The following TRIM71 variants were observed in gnomAD, a reference collection of about 807,000 sequenced individuals.
TRIM71 encodes E3 ubiquitin-protein ligase TRIM71.
A neutral mutation model predicts 61.2 loss-of-function variants in TRIM71; 9 were observed. The ratio of observed to expected loss-of-function variants is 0.15; its 90% CI spans 0.09 to 0.26. TRIM71 has a LOEUF of 0.26. TRIM71 is among the 10% of genes least tolerant of loss of function. TRIM71 has a pLI of 1.00. For synonymous variants in TRIM71, 645 were observed against 553.2 expected, an observed-to-expected ratio of 1.17 and a Z score of -2.33; for missense variants, 998 against 1,238.7, an observed-to-expected ratio of 0.81 and a Z score of 2.92.
At chr3:32,878,748 A>AG (rs560266662) in intron 2 of TRIM71, among the ~76,000 whole-genome samples, 110 of 152,358 alleles carry the variant, frequency 7.2e-4, no homozygotes, top group South Asian at 4.1e-3. Flanking sequence ...ATAATGCTTA[A>AG]GGGGCCTAGG....
Position 32,848,621 on chromosome 3 carries a change from T to G in TRIM71, c.853-25197T>G, listed in dbSNP as rs556922967. Among the ~76,000 whole-genome samples the G allele has an allele frequency of 2.6e-5, 4 of 152,284 alleles. No individual in the cohort carries two copies. The East Asian group carries it at 5.8e-4, about 22-fold the overall frequency. ...ACGAGGCTCAAAAATACCCCTAGTTTTGTCTATGATTAGGGTCCTGAGGTT... is the reference window on the plus strand; with the variant it reads ...ACGAGGCTCAAAAATACCCCTAGTTGTGTCTATGATTAGGGTCCTGAGGTT... On this transcript the variant is annotated intron_variant, in intron 1 of 3. Coordinates refer to ENST00000383763, the MANE Select transcript of TRIM71 (RefSeq NM_001039111.3).
At chr3:32,876,659 A>G (rs1696855372) in intron 2 of TRIM71, among the ~76,000 whole-genome samples, 1 of 152,210 alleles carries the variant, frequency 6.6e-6, no homozygotes, top group Non-Finnish European at 1.5e-5. Context: ...TGATTTTATT[A>G]ACCTCTTACT....
chr3:32,820,825 T>A (rs1559535491), intron 1 of TRIM71, among the ~76,000 whole-genome samples: 1 of 152,230 alleles, frequency 6.6e-6, no homozygotes, highest in Non-Finnish European at 1.5e-5. Flanking sequence ...CGGAAGCTCT[T>A]CAAATTCACT....
chr3:32,836,109 T>TC (rs2125677539), intron 1 of TRIM71, among the ~76,000 whole-genome samples: 1 of 152,062 alleles, frequency 6.6e-6, no homozygotes, highest in East Asian at 1.9e-4. Context: ...GATCTTCCCC[T>TC]CCCCCGACAG....
chr3:32,863,933 C>T (rs866271415), intron 1 of TRIM71, among the ~76,000 whole-genome samples: 6 of 152,146 alleles, frequency 3.9e-5, no homozygotes, highest in African/African-American at 7.2e-5. Context: ...CCACCCGCCT[C>T]GGCCTCTCAA....
At chr3:32,834,823 A>C (rs907687092) in intron 1 of TRIM71, among the ~76,000 whole-genome samples, 2 of 152,174 alleles carry the variant, frequency 1.3e-5, no homozygotes, top group Non-Finnish European at 2.9e-5. Context: ...GCCTGGTGAC[A>C]GAGCGAGACT....
At chr3:32,886,440 CCT>C (rs1447310318) in intron 3 of TRIM71, among the ~76,000 whole-genome samples, 1 of 152,138 alleles carries the variant, frequency 6.6e-6, no homozygotes, top group African/African-American at 2.4e-5. Context: ...CACTTCCTGA[CCT>C]CTTGTGGAAA....
intron 1 of TRIM71, among the ~76,000 whole-genome samples, chr3:32,827,265 ATTC>A (rs1341579506): frequency 4.3e-5 from 5 of 117,480 alleles, no homozygotes; most frequent in African/African-American, 1.2e-4. Context: ...TAGGGGGATA[ATTC>A]TTTTTTTTTT....
chr3:32,843,734 A>G (rs912368661), intron 1 of TRIM71, among the ~76,000 whole-genome samples: 24 of 152,198 alleles, frequency 1.6e-4, no homozygotes, highest in African/African-American at 5.8e-4. Context: ...GACAAGTAAC[A>G]TTCTGGAGGA....
intron 1 of TRIM71, among the ~76,000 whole-genome samples, chr3:32,857,258 T>G (rs1420588757): frequency 2.0e-5 from 3 of 152,250 alleles, no homozygotes; most frequent in Admixed American, 1.3e-4. Flanking sequence ...ACTGGCAGAT[T>G]TGTAAATCTT....
At chr3:32,859,924 G>A (rs1214791623) in intron 1 of TRIM71, among the ~76,000 whole-genome samples, 3 of 152,084 alleles carry the variant, frequency 2.0e-5, no homozygotes, top group Non-Finnish European at 4.4e-5. Context: ...TGTGATTCCT[G>A]CATGGGCTGG....
At chr3:32,847,110 C>G (rs1007411537) in intron 1 of TRIM71, among the ~76,000 whole-genome samples, 2 of 151,970 alleles carry the variant, frequency 1.3e-5, no homozygotes, top group African/African-American at 2.4e-5. Context: ...CTGCAACCTC[C>G]GCCTCCCAGG....
At position 32,867,171 on chromosome 3, in the gene TRIM71, A is replaced by AC. The variant is rs150920220; in HGVS notation, c.853-6641dup. On this transcript the variant is annotated intron_variant, in intron 1 of 3. Transcript: ENST00000383763. ...GTTCTTGGACACTCCCACTTTTACC[A>AC]CCCCCCTCCCCCTCCTCTTTTTTAG... Among the ~76,000 whole-genome samples, 1,290 of 148,414 alleles carry AC rather than the reference A, an allele frequency of 8.7e-3. 29 individuals are homozygous for AC. The highest frequency in any genetic ancestry group is 0.084 in the East Asian group (420 of 5,018).
intron 1 of TRIM71, among the ~76,000 whole-genome samples, chr3:32,872,099 A>G (rs925282336): frequency 1.3e-5 from 2 of 152,198 alleles, no homozygotes; most frequent in Non-Finnish European, 2.9e-5. Flanking sequence ...GTGAGCCGAG[A>G]TCGCGTCGCC....
intron 1 of TRIM71, among the ~76,000 whole-genome samples, chr3:32,850,502 G>A (rs2125681819): frequency 6.6e-6 from 1 of 152,276 alleles, no homozygotes; most frequent in Middle Eastern, 3.4e-3. Context: ...TTAATGATCA[G>A]CATGGCTCCC....
chr3:32,829,430 G>T (rs1366554455), intron 1 of TRIM71, among the ~76,000 whole-genome samples: 1 of 152,046 alleles, frequency 6.6e-6, no homozygotes. Flanking sequence ...TGATCTGCCT[G>T]TCTCCCAAAG....
At chr3:32,879,523 C>T (rs1405798717) in intron 2 of TRIM71, among the ~76,000 whole-genome samples, 1 of 152,060 alleles carries the variant, frequency 6.6e-6, no homozygotes, top group Non-Finnish European at 1.5e-5. Context: ...GATCACTTGT[C>T]ACAGATCAGC....
At chr3:32,856,132 C>T (rs1696601530) in intron 1 of TRIM71, among the ~76,000 whole-genome samples, 1 of 152,228 alleles carries the variant, frequency 6.6e-6, no homozygotes. Flanking sequence ...GTTCTCCTGC[C>T]TCAGCCTCCG....
At chr3:32,834,051 C>G (rs1484319093) in intron 1 of TRIM71, among the ~76,000 whole-genome samples, 1 of 152,144 alleles carries the variant, frequency 6.6e-6, no homozygotes, top group Non-Finnish European at 1.5e-5. Context: ...TTTAAAACCA[C>G]ATAGGTGCTG....
Sources: allele counts gnomAD v4.1 joint callset (sites outside exome capture counted in the v4.1 genomes callset), GRCh38; gene constraint gnomAD v4.1.1; transcripts MANE v1.5; gene names NCBI Gene and HGNC (gene_info 2026-07-23, HGNC 2026-07-21).